Variants in SMAP1 observed in about 807,000 individuals in gnomAD.
The protein encoded by SMAP1 is stromal membrane-associated protein 1.
Under a neutral mutation model 58.5 loss-of-function variants are expected in SMAP1, and 24 were observed. The observed-to-expected ratio is 0.41, with a 90% CI of 0.30 to 0.58. The LOEUF (loss-of-function observed/expected upper bound fraction) is 0.58, where lower values mean the gene tolerates loss of function less well. Among genes scored for constraint, SMAP1 ranks in the 20% least tolerant of loss-of-function variants. The pLI, the probability that SMAP1 is intolerant of heterozygous loss-of-function variation, is 0.29. For missense variants in SMAP1, 563 were observed against 566.3 expected (o/e 0.99, Z 0.06); for synonymous variants, 216 against 196.6 (o/e 1.10, Z -0.82).
intron 1 of SMAP1, among the ~76,000 whole-genome samples, chr6:70,688,378 C>G (rs745747210): frequency 1.4e-4 from 21 of 152,118 alleles, no homozygotes; most frequent in Non-Finnish European, 2.8e-4. Flanking sequence ...AAAAAAGTGC[C>G]AAACTTTTCA....
At chr6:70,822,486 A>G in intron 6 of SMAP1, among the ~76,000 whole-genome samples, 1 of 152,194 alleles carries the variant, frequency 6.6e-6, no homozygotes, top group East Asian at 1.9e-4. Context: ...CTTAACCAAT[A>G]TGCTATATGG....
intron 1 of SMAP1, among the ~76,000 whole-genome samples, 178 bp from the exon 2 acceptor site, chr6:70,732,200 T>C (rs929995894): frequency 1.3e-5 from 2 of 152,188 alleles, no homozygotes; most frequent in South Asian, 2.1e-4. Context: ...TTCTTAAAGA[T>C]TGCCAAGACA....
At chr6:70,727,274 A>C (rs948996899) in intron 1 of SMAP1, among the ~76,000 whole-genome samples, 1 of 152,034 alleles carries the variant, frequency 6.6e-6, no homozygotes, top group African/African-American at 2.4e-5. Flanking sequence ...ACGCCCAGCT[A>C]ATTTTTGTGT....
intron 1 of SMAP1, among the ~76,000 whole-genome samples, chr6:70,724,847 T>A (rs1020793760): frequency 1.3e-5 from 2 of 151,924 alleles, no homozygotes; most frequent in Non-Finnish European, 2.9e-5. Flanking sequence ...TTTTTCTTAA[T>A]AAAATATTAT....
intron 6 of SMAP1, among the ~76,000 whole-genome samples, chr6:70,803,422 T>C (rs1280862242): frequency 6.6e-6 from 1 of 151,996 alleles, no homozygotes; most frequent in African/African-American, 2.4e-5. Context: ...GCAGTCTATT[T>C]TGTTGATCTT....
intron 7 of SMAP1, among the ~76,000 whole-genome samples, chr6:70,846,635 G>C (rs1194152397): frequency 6.6e-6 from 1 of 152,178 alleles, no homozygotes; most frequent in East Asian, 1.9e-4. Flanking sequence ...GTGGTGCTGG[G>C]TGTTGTGGGC....
chr6:70,737,309 A>AT (rs971167937), intron 2 of SMAP1, among the ~76,000 whole-genome samples: 79 of 151,352 alleles, frequency 5.2e-4, no homozygotes, highest in African/African-American at 1.6e-3. Context: ...GCCTGGCTAA[A>AT]TTTTTTTTTG....
intron 10 of SMAP1, chr6:70,859,820 C>G: frequency 5.6e-6 from 1 of 179,868 alleles, no homozygotes; most frequent in East Asian, 1.5e-4. Context: ...AGAATAATAT[C>G]TATCATACAA....
intron 3 of SMAP1, among the ~76,000 whole-genome samples, chr6:70,770,673 A>C: frequency 6.6e-6 from 1 of 152,002 alleles, no homozygotes; most frequent in South Asian, 2.1e-4. Context: ...ACAGTTTTCA[A>C]CTTCTTTGCC....
chr6:70,817,610 G>A (rs945976265), intron 6 of SMAP1, among the ~76,000 whole-genome samples: 9 of 152,060 alleles, frequency 5.9e-5, no homozygotes, highest in Non-Finnish European at 1.2e-4. Flanking sequence ...GCTTTAAAAA[G>A]TTTGTTTTTA....
At chr6:70,838,296 C>T (rs1177089015) in intron 7 of SMAP1, among the ~76,000 whole-genome samples, 1 of 152,122 alleles carries the variant, frequency 6.6e-6, no homozygotes, top group East Asian at 1.9e-4. Flanking sequence ...ATCTTACACT[C>T]ATTCATTCAC....
intron 4 of SMAP1, among the ~76,000 whole-genome samples, chr6:70,787,320 A>G (rs1041421142): frequency 2.0e-5 from 3 of 152,230 alleles, no homozygotes; most frequent in Non-Finnish European, 4.4e-5. Context: ...AAAGACTTAC[A>G]TGTTAGACCT....
At chr6:70,737,841 G>C (rs1411549613) in intron 2 of SMAP1, among the ~76,000 whole-genome samples, 1 of 152,092 alleles carries the variant, frequency 6.6e-6, no homozygotes, top group African/African-American at 2.4e-5. Flanking sequence ...TTTTTATATA[G>C]TCTCTTTTTG....
At chr6:70,715,885 T>C (rs1302548817) in intron 1 of SMAP1, among the ~76,000 whole-genome samples, 3 of 122,290 alleles carry the variant, frequency 2.5e-5, no homozygotes, top group African/African-American at 5.7e-5. Flanking sequence ...CCTCACCCGC[T>C]TTCCACCCTT....
At chr6:70,743,471 T>C (rs1765896793) in intron 2 of SMAP1, among the ~76,000 whole-genome samples, 1 of 152,246 alleles carries the variant, frequency 6.6e-6, no homozygotes, top group African/African-American at 2.4e-5. Flanking sequence ...AAAGGTAATT[T>C]GGAGAACTCT....
chr6:70,773,439 T>A lies in SMAP1; in HGVS notation c.414+14T>A, dbSNP rs1467176131. 2.4e-5 allele frequency: 34 copies of A among 1,424,408 alleles called. No individual in the cohort carries two copies. Among genetic ancestry groups the A allele is most frequent in the Non-Finnish European group, 2.8e-5 (29 of 1,027,578 alleles). The allele number at this position is 1,424,408 out of a possible 1,614,324, so 88.2% of individuals were successfully genotyped here. Reference sequence around the variant, plus strand: ...GCTATTACAAATGTAAGTAAAACCTTCATCTCTCATCAATTGTTTGTTGAC... The same window carrying A: ...GCTATTACAAATGTAAGTAAAACCTACATCTCTCATCAATTGTTTGTTGAC... On this transcript the variant is annotated intron_variant, in intron 4 of 10. Coordinates refer to ENST00000370455, the MANE Select transcript of SMAP1 (RefSeq NM_001044305.3).
chr6:70,727,773 C>G (rs1410139021), intron 1 of SMAP1, among the ~76,000 whole-genome samples: 1 of 152,078 alleles, frequency 6.6e-6, no homozygotes, highest in Admixed American at 6.5e-5. Flanking sequence ...AAATGTAATT[C>G]ACACTGACCG....
intron 1 of SMAP1, among the ~76,000 whole-genome samples, chr6:70,682,277 CTCCTGGGTT>C (rs1384900799): frequency 1.4e-5 from 2 of 146,874 alleles, no homozygotes; most frequent in African/African-American, 2.5e-5. Context: ...CAACCTCTGC[CTCCTGGGTT>C]CAAGCGATTC....
intron 7 of SMAP1, among the ~76,000 whole-genome samples, chr6:70,846,869 A>G (rs1771009391): frequency 2.0e-5 from 3 of 152,194 alleles, no homozygotes; most frequent in Non-Finnish European, 4.4e-5. Flanking sequence ...CGGGTGCACC[A>G]TTGAGACCCG....
Sources: gnomAD v4.1 joint callset for allele counts (sites outside exome capture counted in the v4.1 genomes callset) on GRCh38, gnomAD v4.1.1 for gene constraint, MANE v1.5 for transcripts, NCBI Gene and HGNC (gene_info 2026-07-23, HGNC 2026-07-21) for gene names.